RTF2: variants seen among roughly 807,000 people sequenced by gnomAD.
RTF2 encodes UPF0549 protein C20orf43.
A neutral mutation model predicts 38.0 loss-of-function variants in RTF2; 18 were observed. That is an observed-to-expected ratio of 0.47 (90% confidence interval 0.33 to 0.70). The LOEUF (loss-of-function observed/expected upper bound fraction) is 0.70. Among genes scored for constraint, RTF2 ranks in the 30% least tolerant of loss-of-function variants. The pLI is 0.02. For missense variants in RTF2, 311 were observed against 379.6 expected, an observed-to-expected ratio of 0.82 and a Z score of 1.50; for synonymous variants, 126 against 137.1, an observed-to-expected ratio of 0.92 and a Z score of 0.57.
At chr20:56,477,688 T>G in intron 4 of RTF2, among the ~76,000 whole-genome samples, 1 of 152,158 alleles carries the variant, frequency 6.6e-6, no homozygotes, top group Non-Finnish European at 1.5e-5. Flanking sequence ...CGGCCACTAA[T>G]TTTTATTTTT....
chr20:56,516,714 T>C, intron 6 of RTF2: 1 of 594,508 alleles, frequency 1.7e-6, no homozygotes, highest in African/African-American at 1.9e-5. Context: ...TCTGTGCAGA[T>C]ACATTTTTGT....
intron 5 of RTF2, chr20:56,496,689 T>G (rs1983561930): frequency 6.5e-7 from 1 of 1,549,108 alleles, no homozygotes; most frequent in Non-Finnish European, 8.7e-7. Context: ...GCTGCGGATG[T>G]CTTTGGACCA....
chr20:56,517,333 TG>T, intron 8 of RTF2, 132 bp downstream of exon 8: 1 of 696,430 alleles, frequency 1.4e-6, no homozygotes, highest in Non-Finnish European at 2.5e-6. Context: ...GAGAGTGCAC[TG>T]AACTCTCTTT....
intron 4 of RTF2, among the ~76,000 whole-genome samples, chr20:56,482,727 C>T (rs1054417273): frequency 3.9e-5 from 6 of 152,190 alleles, no homozygotes; most frequent in African/African-American, 1.2e-4. Context: ...GGCCAATCTG[C>T]GTCTGCTATA....
intron 5 of RTF2, among the ~76,000 whole-genome samples, chr20:56,486,156 G>A (rs1982783423): frequency 6.6e-6 from 1 of 152,034 alleles, no homozygotes; most frequent in African/African-American, 2.4e-5. Context: ...CAGACCTTCT[G>A]CTTGCTTTCA....
In RTF2 at chr20:56,495,170, C is replaced by G. The variant is rs529491669; in HGVS notation, c.477+10981C>G. 2,858 of 1,453,564 alleles carry G rather than the reference C, an allele frequency of 2.0e-3. 5 individuals are homozygous for G. Among genetic ancestry groups the G allele is most frequent in the Non-Finnish European group, 2.1e-3 (2,277 of 1,059,118 alleles). The allele number at this position is 1,453,564 out of a possible 1,614,324, so 90.0% of individuals were successfully genotyped here. A position where few individuals can be genotyped will look rare whatever the true frequency, so the allele number is the denominator to read the frequency against. ...TTTATAGTTGTTGTAAAATTTGAAG[C>G]CTTTTTTGTTTTGTTTTGTTTTTCT... is the stretch of plus-strand genomic sequence containing the variant. On this transcript the variant is annotated intron_variant, in intron 5 of 8. Transcript: ENST00000357348.
At chr20:56,474,535 A>G (rs967846562) in intron 2 of RTF2, 143 bp from the exon 3 acceptor site, 101 of 525,974 alleles carry the variant, frequency 1.9e-4, no homozygotes, top group Non-Finnish European at 2.3e-4. Flanking sequence ...TAGTTGAAAC[A>G]GGGTTAAATT....
At chr20:56,496,830 G>T in intron 5 of RTF2, 1 of 1,551,742 alleles carries the variant, frequency 6.4e-7, no homozygotes, top group South Asian at 1.2e-5. Context: ...GTTATTTGGA[G>T]GTGCATAGAT....
chr20:56,503,216 T>C (rs1984036066), intron 5 of RTF2, among the ~76,000 whole-genome samples: 1 of 152,230 alleles, frequency 6.6e-6, no homozygotes, highest in Non-Finnish European at 1.5e-5. Context: ...AATGTTTTCT[T>C]GAGTTACTTG....
At chr20:56,502,844 GC>G (rs1214951709) in intron 5 of RTF2, among the ~76,000 whole-genome samples, 3 of 152,164 alleles carry the variant, frequency 2.0e-5, no homozygotes, top group African/African-American at 7.2e-5. Flanking sequence ...CAGGAAATGG[GC>G]TTTGAATCAG....
In RTF2 at chr20:56,518,177, A is replaced by C; in HGVS notation, c.833A>C (p.Tyr278Ser). 6.2e-7 allele frequency: 1 copy of C among 1,614,192 alleles called. No individual in the cohort carries two copies. The highest frequency in any genetic ancestry group is 8.5e-7 in the Non-Finnish European group (1 of 1,180,014). Residue 278 changes from tyrosine (Y) to serine (S), a missense_variant, in exon 9 of 9, where the codon TAC becomes TCC. By Grantham distance (144) the Tyr-to-Ser change is moderately radical. Coordinates refer to ENST00000357348, the MANE Select transcript of RTF2 (RefSeq NM_016407.5). Reference sequence around the variant, plus strand: ...GCTGACAGTGAAGAATCGGAGGCCTACAAGTCCCTCTTTACCACTCACAGC... The same window carrying C: ...GCTGACAGTGAAGAATCGGAGGCCTCCAAGTCCCTCTTTACCACTCACAGC... ...SIADSEESEA[Y>S]KSLFTTHSSA...
chr20:56,512,779 G>C (rs544992888), intron 5 of RTF2, among the ~76,000 whole-genome samples: 3 of 152,184 alleles, frequency 2.0e-5, no homozygotes, highest in Non-Finnish European at 4.4e-5. Flanking sequence ...AGGAATCCAC[G>C]TGGGGCTTCC....
intron 5 of RTF2, chr20:56,495,166 G>A (rs1450323781): frequency 7.0e-7 from 1 of 1,427,378 alleles, no homozygotes; most frequent in Non-Finnish European, 9.7e-7. Context: ...TGTAAAATTT[G>A]AAGCCTTTTT....
At chr20:56,510,352 G>A (rs1984565351) in intron 5 of RTF2, among the ~76,000 whole-genome samples, 1 of 152,188 alleles carries the variant, frequency 6.6e-6, no homozygotes. Flanking sequence ...GCATTGTGCT[G>A]TGAGCTAAGA....
rs144658248 is a variant in RTF2, at chr20:56,473,236, T to G, written c.70-65T>G. On this transcript the variant is annotated intron_variant, in intron 1 of 8. Coordinates refer to ENST00000357348, the MANE Select transcript of RTF2 (RefSeq NM_016407.5). ...CGGTATTACTGAATATACTTTTATA[T>G]GTAGAATTGTGAACCATGTGTCTTT... 364 of 1,148,472 alleles carry G rather than the reference T, an allele frequency of 3.2e-4. 3 individuals carry two copies. The African/African-American group carries it at 4.9e-3, about 16-fold the overall frequency. The allele number at this position is 1,148,472 out of a possible 1,614,324, so 71.1% of individuals were successfully genotyped here.
intron 4 of RTF2, among the ~76,000 whole-genome samples, chr20:56,477,772 T>C (rs1157685042): frequency 6.6e-6 from 1 of 152,198 alleles, no homozygotes; most frequent in Non-Finnish European, 1.5e-5. Flanking sequence ...CCCAAAGCGC[T>C]GGGATAACAT....
intron 1 of RTF2, among the ~76,000 whole-genome samples, chr20:56,470,376 A>G (rs935274498): frequency 2.6e-5 from 4 of 152,172 alleles, no homozygotes; most frequent in Admixed American, 6.5e-5. Context: ...CCTAGGCAGG[A>G]TGGATTTTTA....
At chr20:56,496,818 C>A in intron 5 of RTF2, 1 of 1,551,860 alleles carries the variant, frequency 6.4e-7, no homozygotes, top group Middle Eastern at 1.7e-4. Flanking sequence ...GTCTTTGAAT[C>A]TGTTATTTGG....
chr20:56,498,210 T>A (rs1242107537), intron 5 of RTF2, among the ~76,000 whole-genome samples: 1 of 152,202 alleles, frequency 6.6e-6, no homozygotes, highest in African/African-American at 2.4e-5. Context: ...CATATAAGAC[T>A]AATCTTTCCA....
Sources: gnomAD v4.1 joint callset for allele counts (sites outside exome capture counted in the v4.1 genomes callset) on GRCh38, gnomAD v4.1.1 for gene constraint, MANE v1.5 for transcripts, NCBI Gene and HGNC (gene_info 2026-07-23, HGNC 2026-07-21) for gene names.